ROBO1: variants seen among roughly 807,000 people sequenced by gnomAD.
ROBO1 encodes the protein roundabout homolog 1.
A neutral mutation model predicts 195.9 loss-of-function variants in ROBO1; 149 were observed. That is an observed-to-expected ratio of 0.76 (90% CI 0.67 to 0.87). The LOEUF is 0.87. Among genes scored for constraint, ROBO1 ranks in the 40% least tolerant of loss-of-function variants. The pLI is 0.00. For synonymous variants in ROBO1, 816 were observed against 733.2 expected (o/e 1.11, Z -1.82); for missense variants, 1,933 against 2,068.3 (o/e 0.93, Z 1.27).
intron 1 of ROBO1, among the ~76,000 whole-genome samples, chr3:79,612,691 G>A (rs1944698683): frequency 7.0e-6 from 1 of 143,188 alleles, no homozygotes; most frequent in South Asian, 2.4e-4. Context: ...TCCAGCACCT[G>A]TTGTTTCCTG....
At chr3:78,835,111 T>A in intron 4 of ROBO1, among the ~76,000 whole-genome samples, 1 of 152,162 alleles carries the variant, frequency 6.6e-6, no homozygotes, top group Non-Finnish European at 1.5e-5. Flanking sequence ...GATGTTTTTG[T>A]CATCTAGTTT....
chr3:79,175,987 T>C (rs769805887), intron 2 of ROBO1, among the ~76,000 whole-genome samples: 1 of 152,188 alleles, frequency 6.6e-6, no homozygotes, highest in Non-Finnish European at 1.5e-5. Flanking sequence ...TTCCTCCACT[T>C]TCATACTCAA....
At chr3:78,693,594 A>G (rs2081222915) in intron 8 of ROBO1, among the ~76,000 whole-genome samples, 1 of 152,202 alleles carries the variant, frequency 6.6e-6, no homozygotes, top group Non-Finnish European at 1.5e-5. Flanking sequence ...CTATGATTAA[A>G]TGGCAGAGCT....
At chr3:79,407,877 T>A (rs2037610321) in intron 2 of ROBO1, among the ~76,000 whole-genome samples, 1 of 152,164 alleles carries the variant, frequency 6.6e-6, no homozygotes, top group African/African-American at 2.4e-5. Context: ...ACTGTACTTC[T>A]GTAAACAATG....
chr3:79,703,538 T>C (rs1289232729), intron 1 of ROBO1, among the ~76,000 whole-genome samples: 1 of 151,952 alleles, frequency 6.6e-6, no homozygotes. Context: ...TATTTTATCA[T>C]CTTCATAATT....
In ROBO1 at chr3:79,696,471, T is replaced by TAC. The variant is rs1560108731; in HGVS notation, c.-51+71279_-51+71280dup. Among the ~76,000 whole-genome samples, 3 of 149,316 alleles carry TAC rather than the reference T, an allele frequency of 2.0e-5. 1 individual carries two copies. The highest frequency in any genetic ancestry group is 1.3e-4 in the Admixed American group (2 of 14,846). ...TATATCTAAATAATATATATATATATACACACACAGGTATATATACAGATA... is the reference window on the plus strand; with the variant it reads ...TATATCTAAATAATATATATATATATACACACACACAGGTATATATACAGATA... On this transcript the variant is annotated intron_variant, in intron 1 of 30. Transcript: ENST00000464233.
Position 78,598,722 on chromosome 3 carries a change from G to A in ROBO1, c.*191C>T, listed in dbSNP as rs1702985363. On this transcript the variant is annotated 3_prime_UTR_variant, in exon 31 of 31. Coordinates refer to ENST00000464233, the MANE Select transcript of ROBO1 (RefSeq NM_002941.4). ...AGGGGAATAGGAAGGCTCTTTGTAG[G>A]GTTAGGGATCAAACAACAACAATAA... 2.4e-6 allele frequency: 1 copy of A among 412,544 alleles called. No individual in the cohort carries two copies. The allele number at this position is 412,544 out of a possible 1,614,324, so 25.6% of individuals were successfully genotyped here.
At chr3:79,695,118 C>T (rs1947405202) in intron 1 of ROBO1, among the ~76,000 whole-genome samples, 1 of 151,368 alleles carries the variant, frequency 6.6e-6, no homozygotes, top group Non-Finnish European at 1.5e-5. Context: ...TTTACACCAG[C>T]TATGTGTTAT....
At chr3:78,799,532 G>T (rs1490779986) in intron 4 of ROBO1, among the ~76,000 whole-genome samples, 1 of 143,392 alleles carries the variant, frequency 7.0e-6, no homozygotes, top group Non-Finnish European at 1.6e-5. Flanking sequence ...TAGTAGAGAC[G>T]GGGTTTCACC....
At chr3:79,117,983 C>G (rs2080039354) in intron 3 of ROBO1, among the ~76,000 whole-genome samples, 1 of 152,086 alleles carries the variant, frequency 6.6e-6, no homozygotes, top group Non-Finnish European at 1.5e-5. Context: ...AAAACTAAAA[C>G]AAACATGAAG....
intron 8 of ROBO1, among the ~76,000 whole-genome samples, chr3:78,699,386 C>T (rs1480493629): frequency 5.6e-5 from 4 of 71,662 alleles, no homozygotes; most frequent in African/African-American, 2.0e-4. Flanking sequence ...CCCGTCTCTA[C>T]TAAAAATACA....
intron 2 of ROBO1, among the ~76,000 whole-genome samples, chr3:79,202,176 G>A (rs1282424048): frequency 2.6e-5 from 4 of 151,810 alleles, no homozygotes; most frequent in African/African-American, 4.8e-5. Context: ...CTCCAATACC[G>A]ATAACTGATT....
chr3:79,163,707 T>C (rs533976979), intron 2 of ROBO1, among the ~76,000 whole-genome samples: 6 of 152,248 alleles, frequency 3.9e-5, no homozygotes, highest in Admixed American at 1.3e-4. Context: ...TTTGTTGTTG[T>C]TGTTGTTGTT....
At chr3:79,125,620 A>T (rs894939819) in intron 2 of ROBO1, 81 bp from the exon 3 acceptor site, 3 of 1,024,332 alleles carry the variant, frequency 2.9e-6, no homozygotes, top group African/African-American at 3.1e-5. Flanking sequence ...ATGTCCAGAC[A>T]CAAGTAAATC....
intron 24 of ROBO1, among the ~76,000 whole-genome samples, chr3:78,633,712 G>A (rs1705316928): frequency 6.6e-6 from 1 of 152,116 alleles, no homozygotes; most frequent in Admixed American, 6.6e-5. Context: ...TCATTAACAA[G>A]GAAGAAAATA....
intron 1 of ROBO1, among the ~76,000 whole-genome samples, chr3:79,641,815 C>T (rs73122747): frequency 0.25 from 37,217 of 151,826 alleles, 4,825 homozygotes; most frequent in Admixed American, 0.3. Flanking sequence ...CTCAGGGGTT[C>T]GAGACCAGGC....
chr3:79,394,753 C>A (rs1369557543), intron 2 of ROBO1, among the ~76,000 whole-genome samples: 1 of 151,940 alleles, frequency 6.6e-6, no homozygotes, highest in Non-Finnish European at 1.5e-5. Flanking sequence ...CCTGTCATCG[C>A]CTTTAAGGAT....
At chr3:78,798,154 T>C (rs2084242201) in intron 4 of ROBO1, among the ~76,000 whole-genome samples, 1 of 152,180 alleles carries the variant, frequency 6.6e-6, no homozygotes, top group South Asian at 2.1e-4. Flanking sequence ...TAGTAGTTAT[T>C]TGGAGGTAAG....
intron 2 of ROBO1, among the ~76,000 whole-genome samples, chr3:79,271,052 T>G (rs2108971136): frequency 6.6e-6 from 1 of 151,982 alleles, no homozygotes; most frequent in Non-Finnish European, 1.5e-5. Flanking sequence ...AGAAGAAATA[T>G]TATTATCATG....
Sources: allele counts gnomAD v4.1 joint callset (sites outside exome capture counted in the v4.1 genomes callset), GRCh38; gene constraint gnomAD v4.1.1; transcripts MANE v1.5; gene names NCBI Gene and HGNC (gene_info 2026-07-23, HGNC 2026-07-21).